EFHC2: variants seen among roughly 807,000 people sequenced by gnomAD.
EFHC2 encodes EF-hand domain containing 2.
In EFHC2, 18 loss-of-function variants were observed where a neutral mutation model predicts 52.7. The ratio of observed to expected loss-of-function variants is 0.34; its 90% CI spans 0.24 to 0.51. EFHC2 has a LOEUF of 0.51. EFHC2 is among the 20% of genes least tolerant of loss of function. The probability of loss-of-function intolerance (pLI) is 0.97; values close to 1 mark genes in which losing one functional copy is unlikely to be tolerated. For missense variants in EFHC2, 513 were observed against 562.5 expected, an observed-to-expected ratio of 0.91 and a Z score of 0.89; for synonymous variants, 203 against 204.1, an observed-to-expected ratio of 0.99 and a Z score of 0.04.
intron 4 of EFHC2, among the ~76,000 whole-genome samples, chrX:44,251,185 G>A (rs2037442195): frequency 1.1e-5 from 1 of 90,725 alleles, no homozygotes; most frequent in South Asian, 6.0e-4. Flanking sequence ...CTTGCAGTGA[G>A]CAGAGATCGC....
intron 5 of EFHC2, among the ~76,000 whole-genome samples, chrX:44,249,251 A>G (rs1175227037): frequency 9.0e-6 from 1 of 111,406 alleles, no homozygotes; most frequent in African/African-American, 3.3e-5. Flanking sequence ...AGAATCTGGG[A>G]AAGCCTCCCG....
chrX:44,238,525 T>C (rs766289213), intron 8 of EFHC2, among the ~76,000 whole-genome samples: 22 of 111,454 alleles, frequency 2.0e-4, no homozygotes, highest in African/African-American at 6.9e-4. Context: ...CCTTAAACAG[T>C]CTGTAGAGCC....
chrX:44,264,254 C>T (rs1047701311), intron 3 of EFHC2, among the ~76,000 whole-genome samples: 3 of 111,879 alleles, frequency 2.7e-5, no homozygotes, highest in African/African-American at 9.7e-5. Flanking sequence ...GGAGGAAGAG[C>T]CATAGGCATA....
At chrX:44,233,304 C>T (rs2037294060) in intron 9 of EFHC2, among the ~76,000 whole-genome samples, 1 of 112,456 alleles carries the variant, frequency 8.9e-6, no homozygotes, top group African/African-American at 3.2e-5. Context: ...AAGGAGATTA[C>T]TTAAGTGTTT....
chrX:44,272,942 TAGAG>T (rs2037627828), intron 2 of EFHC2, 106 bp from the exon 3 acceptor site: 9 of 682,154 alleles, frequency 1.3e-5, no homozygotes, highest in Non-Finnish European at 1.9e-5. Flanking sequence ...AAGAAAAAAG[TAGAG>T]AGAATTTTTC....
At chrX:44,288,271 A>G (rs1377575411) in intron 2 of EFHC2, among the ~76,000 whole-genome samples, 4 of 111,522 alleles carry the variant, frequency 3.6e-5, no homozygotes, top group African/African-American at 1.3e-4. Flanking sequence ...TAATGAACCA[A>G]ATGTTTCCAG....
At chrX:44,223,521 A>G (rs966976639) in intron 11 of EFHC2, among the ~76,000 whole-genome samples, 3 of 109,997 alleles carry the variant, frequency 2.7e-5, no homozygotes, top group Admixed American at 1.9e-4. Flanking sequence ...TTTTTGCTTA[A>G]CTAGCCAGAG....
intron 2 of EFHC2, among the ~76,000 whole-genome samples, chrX:44,280,847 G>A (rs1419432827): frequency 8.9e-6 from 1 of 112,243 alleles, no homozygotes; most frequent in Non-Finnish European, 1.9e-5. Flanking sequence ...AAGGATAGGC[G>A]AAGTATATTC....
At chrX:44,245,996 T>C (rs2037398200) in intron 7 of EFHC2, among the ~76,000 whole-genome samples, 1 of 111,413 alleles carries the variant, frequency 9.0e-6, no homozygotes, top group African/African-American at 3.3e-5. Flanking sequence ...ATACCCAGGT[T>C]TTCTACTGAA....
intron 2 of EFHC2, chrX:44,309,625 G>T: frequency 8.7e-7 from 1 of 1,148,519 alleles, no homozygotes; most frequent in Non-Finnish European, 1.2e-6. Flanking sequence ...TTTCTCCTCC[G>T]ATGGTTTGTG....
Position 44,248,256 on chromosome X carries a change from CATATGT to C in EFHC2, c.1111+10_1111+15del. 9.1e-7 allele frequency: 1 copy of C among 1,095,505 alleles called. No homozygotes were observed. Among genetic ancestry groups the C allele is most frequent in the Non-Finnish European group, 1.2e-6 (1 of 820,542 alleles). The allele number at this position is 1,095,505 out of a possible 1,213,427, so 90.3% of individuals were successfully genotyped here. ...TAATTTTAAAAATATTTTTAATTGA[CATATGT>C]ATCACTTACCAATTCCATATTTAGA... is the stretch of plus-strand genomic sequence containing the variant. On this transcript the variant is annotated intron_variant, in intron 7 of 14. Transcript: ENST00000420999.
chrX:44,150,260 G>C (rs2036559620), intron 14 of EFHC2, among the ~76,000 whole-genome samples: 1 of 111,971 alleles, frequency 8.9e-6, no homozygotes, highest in Non-Finnish European at 1.9e-5. Context: ...CTGAATAAGT[G>C]GTGATTCAGT....
chrX:44,281,389 A>C (rs2037700923), intron 2 of EFHC2, among the ~76,000 whole-genome samples: 1 of 112,419 alleles, frequency 8.9e-6, no homozygotes, highest in Non-Finnish European at 1.9e-5. Context: ...TAGTAGGTGT[A>C]AAAGAACAGA....
intron 1 of EFHC2, among the ~76,000 whole-genome samples, chrX:44,336,739 GT>G (rs1249463133): frequency 8.9e-6 from 1 of 112,154 alleles, no homozygotes; most frequent in Non-Finnish European, 1.9e-5. Flanking sequence ...AAATTGATGT[GT>G]GCTTATTTCA....
Position 44,339,761 on chromosome X carries a change from G to C in EFHC2, c.42+3786C>G, listed in dbSNP as rs759679114. Among the ~76,000 whole-genome samples, 10 of 110,733 alleles carry C rather than the reference G, an allele frequency of 9.0e-5. No individual in the cohort carries two copies. The South Asian group carries it at 3.9e-3, about 43-fold the overall frequency. ...GTAATTTAATTCAGCAAGCAGGGGA[G>C]GGGGGAAGGGCAAGACTAAAAGGCC... On this transcript the variant is annotated intron_variant, in intron 1 of 14. Coordinates refer to ENST00000420999, the MANE Select transcript of EFHC2 (RefSeq NM_025184.4).
chrX:44,182,949 T>C (rs1211647712), intron 11 of EFHC2, among the ~76,000 whole-genome samples: 2 of 111,455 alleles, frequency 1.8e-5, no homozygotes, highest in Non-Finnish European at 3.8e-5. Context: ...CTCTAGGGTA[T>C]TGAGAATTCT....
chrX:44,194,502 C>T (rs1251229235), intron 11 of EFHC2, among the ~76,000 whole-genome samples: 2 of 112,078 alleles, frequency 1.8e-5, no homozygotes, highest in Non-Finnish European at 3.8e-5. Flanking sequence ...TAATGGATCC[C>T]AGCATGTAAC....
intron 1 of EFHC2, among the ~76,000 whole-genome samples, chrX:44,316,349 G>A (rs2037982854): frequency 8.9e-6 from 1 of 112,111 alleles, no homozygotes. Flanking sequence ...CATCCATTGG[G>A]TGCTAAGTTG....
chrX:44,201,723 TA>T (rs1389701712), intron 11 of EFHC2, among the ~76,000 whole-genome samples: 2 of 111,708 alleles, frequency 1.8e-5, no homozygotes, highest in South Asian at 3.7e-4. Context: ...CACAAAACCT[TA>T]AAAAAACTGA....
Sources: gnomAD v4.1 joint callset for allele counts (sites outside exome capture counted in the v4.1 genomes callset) on GRCh38, gnomAD v4.1.1 for gene constraint, MANE v1.5 for transcripts, NCBI Gene and HGNC (gene_info 2026-07-23, HGNC 2026-07-21) for gene names.